MSRA: variants seen among roughly 807,000 people sequenced by gnomAD.
MSRA encodes mitochondrial peptide methionine sulfoxide reductase.
A neutral mutation model predicts 31.3 loss-of-function variants in MSRA; 54 were observed. The observed-to-expected ratio is 1.73, with a 90% confidence interval of 1.39 to 2.17. MSRA has a LOEUF of 2.17. MSRA is among the 30% of genes most tolerant of loss of function. MSRA has a pLI of 0.00. For missense variants in MSRA, 507 were observed against 300.9 expected, an observed-to-expected ratio of 1.69 and a Z score of -5.07; for synonymous variants, 169 against 116.5, an observed-to-expected ratio of 1.45 and a Z score of -2.90.
intron 1 of MSRA, among the ~76,000 whole-genome samples, chr8:10,153,126 T>C (rs1585044245): frequency 6.6e-6 from 1 of 152,174 alleles, no homozygotes. Context: ...GCGGTACACT[T>C]AGAAATGGTT....
chr8:10,088,281 T>C (rs151159895), intron 1 of MSRA, among the ~76,000 whole-genome samples: 4 of 152,322 alleles, frequency 2.6e-5, no homozygotes, highest in East Asian at 1.9e-4. Context: ...TGAAGGTTCC[T>C]ACAGAAGTTA....
intron 5 of MSRA, among the ~76,000 whole-genome samples, chr8:10,324,680 G>A (rs1563352060): frequency 6.6e-6 from 1 of 152,192 alleles, no homozygotes; most frequent in Non-Finnish European, 1.5e-5. Flanking sequence ...CAGAGCCCAA[G>A]CCAGAGGCTT....
intron 5 of MSRA, among the ~76,000 whole-genome samples, chr8:10,396,628 C>A (rs1039976832): frequency 6.6e-6 from 1 of 152,204 alleles, no homozygotes; most frequent in Non-Finnish European, 1.5e-5. Context: ...TCAATCAGAA[C>A]TTTCTGGAAG....
intron 1 of MSRA, among the ~76,000 whole-genome samples, chr8:10,196,510 C>A (rs76417077): frequency 1.1e-3 from 167 of 152,208 alleles, no homozygotes; most frequent in African/African-American, 3.9e-3. Flanking sequence ...GAGGCCCCTA[C>A]ACGTCTTTGA....
chr8:10,353,182 C>T (rs1804292922), intron 5 of MSRA, among the ~76,000 whole-genome samples: 1 of 152,204 alleles, frequency 6.6e-6, no homozygotes, highest in Non-Finnish European at 1.5e-5. Flanking sequence ...CAAAGCAATG[C>T]TCAAGGTAGT....
intron 3 of MSRA, among the ~76,000 whole-genome samples, chr8:10,286,750 G>A (rs537147082): frequency 2.2e-4 from 34 of 152,330 alleles, no homozygotes; most frequent in African/African-American, 7.2e-4. Context: ...CCTATCATTG[G>A]CTTCAAGCCA....
At chr8:10,141,465 C>T (rs1034036293) in intron 1 of MSRA, among the ~76,000 whole-genome samples, 4 of 152,198 alleles carry the variant, frequency 2.6e-5, no homozygotes, top group African/African-American at 9.7e-5. Context: ...ACAGGCCCAG[C>T]CATCTCCCCT....
Position 10,074,058 on chromosome 8 carries a change from C to CTTTTTTTTTTTTTTTTTTTTTTT in MSRA, c.142+19418_142+19440dup, listed in dbSNP as rs534642712. On this transcript the variant is annotated intron_variant, in intron 1 of 5. Transcript: ENST00000317173. ...CATTTTGTTTTGTCTAAGGGAGGTG[C>CTTTTTTTTTTTTTTTTTTTTTTT]TTTTTTTTTTTTTTTTTTTTTTTTT... is the stretch of plus-strand genomic sequence containing the variant. Among the ~76,000 whole-genome samples, 3 of 29,456 alleles carry CTTTTTTTTTTTTTTTTTTTTTTT rather than the reference C, an allele frequency of 1.0e-4. 1 individual carries two copies. Among genetic ancestry groups the CTTTTTTTTTTTTTTTTTTTTTTT allele is most frequent in the Non-Finnish European group, 1.2e-4 (2 of 16,368 alleles). The allele number at this position is 29,456 out of a possible 152,430, so 19.3% of individuals were successfully genotyped here.
At chr8:10,236,744 C>T (rs187847086) in intron 2 of MSRA, among the ~76,000 whole-genome samples, 84 of 152,288 alleles carry the variant, frequency 5.5e-4, no homozygotes, top group African/African-American at 1.9e-3. Flanking sequence ...TGGGGTTTTA[C>T]TATGTTGGCC....
intron 3 of MSRA, among the ~76,000 whole-genome samples, chr8:10,277,686 C>T (rs907695699): frequency 2.6e-5 from 4 of 152,114 alleles, no homozygotes; most frequent in East Asian, 1.9e-4. Context: ...TACTTAATTG[C>T]TTATCATCTT....
chr8:10,098,087 A>G lies in MSRA; in HGVS notation c.142+43429A>G, dbSNP rs563665337. Among the ~76,000 whole-genome samples, 97 of 152,300 alleles carry G rather than the reference A, an allele frequency of 6.4e-4. No homozygotes were observed. The South Asian group carries it at 9.5e-3, about 15-fold the overall frequency. On this transcript the variant is annotated intron_variant, in intron 1 of 5. Coordinates refer to ENST00000317173, the MANE Select transcript of MSRA (RefSeq NM_012331.5). Reference sequence around the variant, plus strand: ...GTTGATTACATTTTTTTAAAAAGACATTTAGTTGTAACATAATGCATGCTT... The same window carrying G: ...GTTGATTACATTTTTTTAAAAAGACGTTTAGTTGTAACATAATGCATGCTT...
At chr8:10,254,030 C>T (rs534364662) in intron 3 of MSRA, among the ~76,000 whole-genome samples, 122 of 152,184 alleles carry the variant, frequency 8.0e-4, no homozygotes, top group African/African-American at 2.8e-3. Context: ...GCCGTGCCTC[C>T]GATCTGCCGG....
At chr8:10,155,018 T>G (rs1005350898) in intron 1 of MSRA, among the ~76,000 whole-genome samples, 1 of 109,456 alleles carries the variant, frequency 9.1e-6, no homozygotes, top group African/African-American at 4.3e-5. Flanking sequence ...ATATATAGGT[T>G]TTACCTTGCA....
chr8:10,336,450 T>A (rs1050004172), intron 5 of MSRA, among the ~76,000 whole-genome samples: 6 of 151,826 alleles, frequency 4.0e-5, no homozygotes, highest in African/African-American at 1.2e-4. Flanking sequence ...TTTTTTTTTT[T>A]CATTTTCATT....
At chr8:10,369,024 T>C (rs1240304445) in intron 5 of MSRA, among the ~76,000 whole-genome samples, 1 of 152,068 alleles carries the variant, frequency 6.6e-6, no homozygotes, top group African/African-American at 2.4e-5. Context: ...AGGCCTGAAG[T>C]CCAAAAGCTA....
At chr8:10,377,894 C>T (rs945715212) in intron 5 of MSRA, among the ~76,000 whole-genome samples, 2 of 152,216 alleles carry the variant, frequency 1.3e-5, no homozygotes, top group Admixed American at 1.3e-4. Flanking sequence ...AGCTCCCTGG[C>T]AGTGCAGGCC....
chr8:10,096,640 T>G (rs971576602), intron 1 of MSRA, among the ~76,000 whole-genome samples: 3 of 152,172 alleles, frequency 2.0e-5, no homozygotes, highest in African/African-American at 7.2e-5. Flanking sequence ...GAAGGAAAAT[T>G]TAGAAAGTTT....
chr8:10,058,727 A>G (rs528711848), intron 1 of MSRA, among the ~76,000 whole-genome samples: 2 of 152,372 alleles, frequency 1.3e-5, no homozygotes, highest in South Asian at 2.1e-4. Flanking sequence ...AGGAGTGAGA[A>G]CAGCCTAGTA....
intron 5 of MSRA, among the ~76,000 whole-genome samples, chr8:10,351,204 C>A (rs1168552657): frequency 2.1e-5 from 3 of 144,336 alleles, no homozygotes; most frequent in Non-Finnish European, 4.5e-5. Context: ...CTCCCAAAAA[C>A]ATCATGTAAT....
Sources: gnomAD v4.1 joint callset for allele counts (sites outside exome capture counted in the v4.1 genomes callset) on GRCh38, gnomAD v4.1.1 for gene constraint, MANE v1.5 for transcripts, NCBI Gene and HGNC (gene_info 2026-07-23, HGNC 2026-07-21) for gene names.